Variants in CCDC18 observed in about 807,000 individuals in gnomAD.
CCDC18 encodes the protein coiled-coil domain containing 18, also known as coiled-coil domain-containing protein 18.
CCDC18 carries 157 observed loss-of-function variants against 196.0 expected under a neutral mutation model. The observed-to-expected ratio is 0.80, with a 90% CI of 0.70 to 0.91. CCDC18 has a LOEUF of 0.91. Ranked by LOEUF, CCDC18 falls within the 40% of genes least tolerant of loss-of-function variation. CCDC18 has a pLI of 0.00. For synonymous variants in CCDC18, 482 were observed against 529.2 expected, an observed-to-expected ratio of 0.91 and a Z score of 1.22; for missense variants, 1,465 against 1,611.6, an observed-to-expected ratio of 0.91 and a Z score of 1.56.
chr1:93,220,018 T>C (rs766708078), intron 14 of CCDC18, among the ~76,000 whole-genome samples: 64 of 152,226 alleles, frequency 4.2e-4, no homozygotes, highest in Non-Finnish European at 6.5e-4. Flanking sequence ...GAATAATGTC[T>C]GAAAACTTCA....
At chr1:93,194,847 T>C (rs1652441620) in intron 6 of CCDC18, among the ~76,000 whole-genome samples, 1 of 152,126 alleles carries the variant, frequency 6.6e-6, no homozygotes, top group Admixed American at 6.5e-5. Flanking sequence ...AAGAGATGAC[T>C]TTTAGGATAG....
chr1:93,243,626 A>G (rs559772298), intron 21 of CCDC18, among the ~76,000 whole-genome samples: 45 of 152,214 alleles, frequency 3.0e-4, no homozygotes, highest in Non-Finnish European at 5.6e-4. Flanking sequence ...ATCACACTCA[A>G]GTCACCTCTG....
intron 28 of CCDC18, among the ~76,000 whole-genome samples, chr1:93,273,217 C>T (rs900126713): frequency 4.6e-5 from 7 of 152,058 alleles, no homozygotes; most frequent in South Asian, 2.1e-4. Flanking sequence ...TACAGGCGCC[C>T]GCCACCACGC....
chr1:93,266,677 T>C (rs913279584), intron 27 of CCDC18, among the ~76,000 whole-genome samples: 1 of 152,020 alleles, frequency 6.6e-6, no homozygotes, highest in Non-Finnish European at 1.5e-5. Flanking sequence ...TCTACACAAA[T>C]AAACTAGAAA....
chr1:93,211,549 A>G (rs1216095381), intron 10 of CCDC18, among the ~76,000 whole-genome samples: 1 of 152,204 alleles, frequency 6.6e-6, no homozygotes, highest in East Asian at 1.9e-4. Context: ...ATATTTCTCT[A>G]TTCATTTTTG....
intron 6 of CCDC18, among the ~76,000 whole-genome samples, chr1:93,198,648 T>C (rs997563539): frequency 3.3e-5 from 5 of 151,932 alleles, no homozygotes; most frequent in Admixed American, 2.6e-4. Context: ...ATATGTATAG[T>C]CTTAATTTTT....
At position 93,270,492 on chromosome 1, in the gene CCDC18, C is replaced by G; in HGVS notation, c.4031C>G (p.Ser1344Cys). Residue 1344 changes from serine (S) to cysteine (C), a missense_variant, in exon 28 of 29, where the codon TCT (serine) becomes TGT (cysteine). Ser to Cys is a moderately radical substitution (Grantham distance 112). Transcript: ENST00000690025. ...DPKFAKCFHT[S>C]FSKCTKLRRS... Reference sequence around the variant, plus strand: ...AAATTTGCTAAATGTTTTCACACATCTTTTTCCAAGTGTACAAAATTACGT... The same window carrying G: ...AAATTTGCTAAATGTTTTCACACATGTTTTTCCAAGTGTACAAAATTACGT... The G allele has an allele frequency of 6.5e-7, 1 of 1,550,366 alleles. No homozygotes were observed. The highest frequency in any genetic ancestry group is 8.7e-7 in the Non-Finnish European group (1 of 1,146,878).
chr1:93,200,335 A>T (rs559944143), intron 6 of CCDC18, among the ~76,000 whole-genome samples: 3,636 of 25,646 alleles, frequency 0.14, 127 homozygotes, highest in African/African-American at 0.26. Flanking sequence ...GAGATTATTT[A>T]AAAAAAAAAA....
At chr1:93,249,372 T>C (rs902332577) in intron 23 of CCDC18, among the ~76,000 whole-genome samples, 11 of 152,048 alleles carry the variant, frequency 7.2e-5, no homozygotes, top group African/African-American at 2.7e-4. Flanking sequence ...TCTAAAGGTA[T>C]TTGTTAATTT....
At chr1:93,256,605 G>T in intron 25 of CCDC18, 67 bp downstream of exon 25, 1 of 1,252,422 alleles carries the variant, frequency 8.0e-7, no homozygotes, top group Non-Finnish European at 1.1e-6. Flanking sequence ...TTTTTGAACT[G>T]TAGAATATAG....
intron 27 of CCDC18, among the ~76,000 whole-genome samples, chr1:93,267,061 C>G (rs1243359620): frequency 6.6e-6 from 1 of 152,138 alleles, no homozygotes; most frequent in African/African-American, 2.4e-5. Flanking sequence ...TACTGGCAAA[C>G]CGAATCCAGC....
At chr1:93,259,646 T>C (rs1165315844) in intron 26 of CCDC18, among the ~76,000 whole-genome samples, 1 of 152,194 alleles carries the variant, frequency 6.6e-6, no homozygotes, top group African/African-American at 2.4e-5. Flanking sequence ...TAGAATCATA[T>C]CTCTTTGAAA....
chr1:93,274,964 G>C (rs979413735), intron 28 of CCDC18, among the ~76,000 whole-genome samples: 5 of 152,152 alleles, frequency 3.3e-5, no homozygotes, highest in Non-Finnish European at 5.9e-5. Context: ...ATTGACCACT[G>C]TCAATACTCA....
rs773184988 is a variant in CCDC18, at chr1:93,270,415, G to A, written c.3954G>A (p.Leu1318=). ...GHEKAEDIKF[L]PAPFTSPTEI... The stretch of plus-strand genomic sequence containing the variant: ...AAAAGGCAGAAGACATCAAGTTTCT[G>A]CCAGCCCCATTTACATCTCCAACAG... Residue 1318 remains leucine, a synonymous_variant, in exon 28 of 29, where the codon CTG becomes CTA. Transcript: ENST00000690025. The A allele has an allele frequency of 1.7e-5, 26 of 1,550,256 alleles. 1 individual carries two copies. The South Asian group carries it at 3.1e-4, about 18-fold the overall frequency.
intron 28 of CCDC18, among the ~76,000 whole-genome samples, chr1:93,276,372 T>A (rs752740651): frequency 3.3e-5 from 5 of 152,184 alleles, no homozygotes; most frequent in Non-Finnish European, 7.3e-5. Context: ...ATCAGCAAGT[T>A]CAGAGACTTC....
chr1:93,223,450 C>G (rs886314811), intron 16 of CCDC18, among the ~76,000 whole-genome samples: 3 of 152,172 alleles, frequency 2.0e-5, no homozygotes, highest in Non-Finnish European at 4.4e-5. Context: ...TATGTCATTA[C>G]TACCTTCCTT....
upstream of CCDC18, chr1:93,180,650 T>TC: frequency 1.1e-5 from 14 of 1,320,626 alleles, no homozygotes; most frequent in Non-Finnish European, 1.4e-5. Flanking sequence ...CCCCGCGCCT[T>TC]CGGCGGCGCC....
intron 26 of CCDC18, chr1:93,262,456 A>G (rs1313238175): frequency 6.6e-6 from 1 of 152,258 alleles, no homozygotes; most frequent in Non-Finnish European, 1.5e-5. Flanking sequence ...AAATTTGCCA[A>G]AACAAAGAGG....
intron 16 of CCDC18, among the ~76,000 whole-genome samples, chr1:93,222,735 G>C (rs1035461912): frequency 5.3e-5 from 8 of 152,160 alleles, no homozygotes; most frequent in African/African-American, 1.7e-4. Flanking sequence ...AGAATTAAAT[G>C]AAACAGGGTA....
Sources: allele counts gnomAD v4.1 joint callset (sites outside exome capture counted in the v4.1 genomes callset), GRCh38; gene constraint gnomAD v4.1.1; transcripts MANE v1.5; gene names NCBI Gene and HGNC (gene_info 2026-07-23, HGNC 2026-07-21).